NEB: variants seen among roughly 807,000 people sequenced by gnomAD.
The protein encoded by NEB is nebulin.
Under a neutral mutation model 952.2 loss-of-function variants are expected in NEB, and 512 were observed. The observed-to-expected ratio is 0.54, with a 90% confidence interval of 0.50 to 0.58. NEB has a LOEUF of 0.58. NEB is among the 20% of genes least tolerant of loss of function. NEB has a pLI of 0.00. For missense variants in NEB, 8,428 were observed against 9,231.1 expected, an observed-to-expected ratio of 0.91 and a Z score of 3.56; for synonymous variants, 2,900 against 3,149.8, an observed-to-expected ratio of 0.92 and a Z score of 2.66.
At chr2:151,730,825 G>A (rs1486002049) in intron 3 of NEB, among the ~76,000 whole-genome samples, 2 of 151,994 alleles carry the variant, frequency 1.3e-5, no homozygotes, top group African/African-American at 2.4e-5. Flanking sequence ...GTTAACAATC[G>A]TCTAGAACTT....
chr2:151,723,752 T>TTTTTTTTTTTTTTTTTTTTTTTTG (rs2099782177), intron 8 of NEB, among the ~76,000 whole-genome samples: 6 of 124,156 alleles, frequency 4.8e-5, no homozygotes, highest in African/African-American at 1.5e-4. Context: ...CCTTCTTTGT[T>TTTTTTTTTTTTTTTTTTTTTTTTG]TTTTTTTTTT....
chr2:151,661,119 C>A (rs997365513), intron 46 of NEB, among the ~76,000 whole-genome samples: 10 of 152,086 alleles, frequency 6.6e-5, no homozygotes, highest in African/African-American at 2.2e-4. Flanking sequence ...CTCAACTCTG[C>A]AATGGGAGGA....
At chr2:151,618,201 G>C in intron 74 of NEB, 74 bp downstream of exon 74, 1 of 1,305,156 alleles carries the variant, frequency 7.7e-7, no homozygotes, top group Non-Finnish European at 1.1e-6. Context: ...TCTTTAAAAT[G>C]CAATAATATA....
Position 151,506,948 on chromosome 2 carries a change from T to C in NEB, c.23517A>G (p.Glu7839=), listed in dbSNP as rs1559346777. 5 of 1,611,582 alleles carry C rather than the reference T, an allele frequency of 3.1e-6. No homozygotes were observed. Among genetic ancestry groups the C allele is most frequent in the Non-Finnish European group, 4.2e-6 (5 of 1,178,372 alleles). The change falls in exon 163 of 182, where the codon GAA becomes GAG. Residue 7839 remains glutamate, a synonymous_variant. Transcript: ENST00000397345. ...GKITVVQDTP[E]ILRVKENQKN... ...TCTGATTTTCTTTTACACGCAGTAT[T>C]TCTGGCGTGTCTTGAACAACTGTAA... is the stretch of plus-strand genomic sequence containing the variant.
chr2:151,636,452 G>T, intron 63 of NEB, 118 bp from the exon 64 acceptor site: 1 of 811,716 alleles, frequency 1.2e-6, no homozygotes, highest in Non-Finnish European at 1.9e-6. Context: ...TCTTTTGAGA[G>T]TTCTAAGCCT....
At chr2:151,540,647 A>G (rs2093918402) in intron 137 of NEB, 50 bp downstream of exon 137, 1 of 1,522,256 alleles carries the variant, frequency 6.6e-7, no homozygotes, top group Non-Finnish European at 9.1e-7. Context: ...AGGTTTTAAC[A>G]AAGTATTTTT....
At chr2:151,655,067 C>T (rs901262948) in intron 51 of NEB, among the ~76,000 whole-genome samples, 3 of 152,118 alleles carry the variant, frequency 2.0e-5, no homozygotes, top group African/African-American at 7.2e-5. Flanking sequence ...GATAAACAGA[C>T]ACAGAACCTG....
chr2:151,566,722 GAAC>G (rs2096416618), intron 114 of NEB, among the ~76,000 whole-genome samples: 1 of 152,126 alleles, frequency 6.6e-6, no homozygotes, highest in African/African-American at 2.4e-5. Flanking sequence ...TTTGCTTTGC[GAAC>G]AACTTCATAA....
intron 143 of NEB, among the ~76,000 whole-genome samples, chr2:151,532,748 T>C (rs2091960512): frequency 5.2e-5 from 1 of 19,410 alleles, no homozygotes; most frequent in South Asian, 8.6e-4. Flanking sequence ...TCAATTAACT[T>C]TTTTTTTTTG....
Position 151,667,919 on chromosome 2 carries a change from AAAGTAG to A in NEB, c.4612-14_4612-9del. 6.3e-7 allele frequency: 1 copy of A among 1,598,338 alleles called. No individual in the cohort carries two copies. The highest frequency in any genetic ancestry group is 8.6e-7 in the Non-Finnish European group (1 of 1,168,226). On this transcript the variant is annotated splice_polypyrimidine_tract_variant and intron_variant, in intron 39 of 181. Transcript: ENST00000397345. Reference sequence around the variant, plus strand: ...ATCTGCTTTATAATGAGCCTTCAAAAAAGTAGAGGTTATTTTATTATTTGACATCAT... The same window carrying A: ...ATCTGCTTTATAATGAGCCTTCAAAAAGGTTATTTTATTATTTGACATCAT...
chr2:151,513,923 T>G (rs1254912189), intron 159 of NEB, among the ~76,000 whole-genome samples: 5 of 152,208 alleles, frequency 3.3e-5, no homozygotes, highest in Non-Finnish European at 7.3e-5. Flanking sequence ...GAGGTCTCCT[T>G]TTGAATACTT....
chr2:151,609,965 G>T lies in NEB; in HGVS notation c.12174C>A (p.Phe4058Leu). ...KKEFQKWKTKFSSPVDMLSIL... is the reference protein window; with the variant it reads ...KKEFQKWKTKLSSPVDMLSIL... The stretch of plus-strand genomic sequence containing the variant: ...TGCTTAACATGTCCACTGGGCTAGA[G>T]AACTTGGTTTTCCACTTTTGGAATT... Residue 4058 changes from phenylalanine to leucine, a missense_variant, in exon 81 of 182, where the codon TTC (phenylalanine) becomes TTA (leucine). Physicochemically the swap from Phe to Leu is conservative, Grantham distance 22. Coordinates refer to ENST00000397345, the MANE Select transcript of NEB (RefSeq NM_001164508.2). 1.9e-6 allele frequency: 3 copies of T among 1,614,014 alleles called. No homozygotes were observed. The highest frequency in any genetic ancestry group is 1.7e-4 in the Middle Eastern group (1 of 6,060).
chr2:151,489,584 A>C (rs2054371102), intron 181 of NEB, among the ~76,000 whole-genome samples: 1 of 152,058 alleles, frequency 6.6e-6, no homozygotes, highest in Non-Finnish European at 1.5e-5. Context: ...TTTAGTAGAG[A>C]TGAAGTCTCA....
intron 155 of NEB, 140 bp from the exon 156 acceptor site, chr2:151,518,562 A>G: frequency 3.1e-6 from 2 of 647,516 alleles, no homozygotes; most frequent in Non-Finnish European, 5.6e-6. Flanking sequence ...GGAGGTTAAG[A>G]AAAAGTTTTA....
At chr2:151,513,556 T>G (rs375216341) in intron 160 of NEB, 24 bp downstream of exon 160, 13 of 1,522,050 alleles carry the variant, frequency 8.5e-6, no homozygotes, top group Non-Finnish European at 1.2e-5. Flanking sequence ...TCCTGAAAGA[T>G]TGACATCGAA....
intron 168 of NEB, 73 bp from the exon 169 acceptor site, chr2:151,499,463 A>G (rs1392280670): frequency 2.5e-6 from 2 of 791,482 alleles, no homozygotes; most frequent in Non-Finnish European, 4.2e-6. Flanking sequence ...CTTGTGGGGA[A>G]CCTGGTATAA....
At chr2:151,512,623 T>C (rs950046768) in intron 161 of NEB, 110 bp downstream of exon 161, 1 of 870,030 alleles carries the variant, frequency 1.1e-6, no homozygotes, top group Non-Finnish European at 1.9e-6. Context: ...GAATCTCTTT[T>C]TTATTGGGAA....
chr2:151,495,100 T>TACA (rs1353158061), intron 173 of NEB: 2 of 152,264 alleles, frequency 1.3e-5, no homozygotes, highest in African/African-American at 4.8e-5. Context: ...TTTAGTTTCA[T>TACA]ACAACATTCA....
At position 151,690,788 on chromosome 2, in the gene NEB, G is replaced by T. The variant is rs757505325; in HGVS notation, c.2249C>A (p.Thr750Lys). 9 of 1,596,764 alleles carry T rather than the reference G, an allele frequency of 5.6e-6. No homozygotes were observed. Among genetic ancestry groups the T allele is most frequent in the Non-Finnish European group, 7.7e-6 (9 of 1,171,222 alleles). Reference protein sequence around the residue: ...YKVHPDKTKFTAVTDSPVLLQ... With the variant: ...YKVHPDKTKFKAVTDSPVLLQ... ...CAGTACAGGAGAATCAGTGACTGCCGTGAATTTGGTCTTATCTGGATGAAC... is the reference window on the plus strand; with the variant it reads ...CAGTACAGGAGAATCAGTGACTGCCTTGAATTTGGTCTTATCTGGATGAAC... The change falls in exon 24 of 182, where the codon ACG becomes AAG. Residue 750 changes from threonine (T) to lysine (K), a missense_variant. Around this residue, in one of 11 missense-constraint regions of NEB, gnomAD observed 2,851 missense variants for 2,791.5 expected, o/e 1.02. Transcript: ENST00000397345.
Sources: gnomAD v4.1 joint callset for allele counts (sites outside exome capture counted in the v4.1 genomes callset) on GRCh38, gnomAD v4.1.1 for gene constraint, gnomAD v4.1.1 regional missense constraint, MANE v1.5 for transcripts, NCBI Gene and HGNC (gene_info 2026-07-23, HGNC 2026-07-21) for gene names.